The following LAMA2 variants were observed in gnomAD, a reference collection of about 807,000 sequenced individuals.
LAMA2 encodes laminin subunit alpha-2.
Under a neutral mutation model 364.8 loss-of-function variants are expected in LAMA2, and 269 were observed. The observed-to-expected ratio is 0.74, with a 90% CI of 0.67 to 0.82. LAMA2 has a LOEUF of 0.82. Among genes scored for constraint, LAMA2 ranks in the 40% least tolerant of loss-of-function variants. The pLI, the probability that LAMA2 is intolerant of heterozygous loss-of-function variation, is 0.00. For missense variants in LAMA2, 3,807 were observed against 3,873.2 expected (o/e 0.98, Z 0.45); for synonymous variants, 1,379 against 1,370.6 (o/e 1.01, Z -0.14).
intron 1 of LAMA2, among the ~76,000 whole-genome samples, chr6:128,906,479 GTTGT>G (rs1234273699): frequency 8.2e-6 from 1 of 121,610 alleles, no homozygotes; most frequent in East Asian, 2.3e-4. Context: ...TTTTGATGGG[GTTGT>G]TTGTTTTTTT....
chr6:129,421,517 TATA>T (rs1193280612), intron 40 of LAMA2, among the ~76,000 whole-genome samples: 2 of 152,110 alleles, frequency 1.3e-5, no homozygotes, highest in African/African-American at 4.8e-5. Flanking sequence ...ATGTATAAAG[TATA>T]ATTAGCTTAG....
chr6:129,334,544 T>G (rs1426056633), intron 29 of LAMA2, among the ~76,000 whole-genome samples: 1 of 152,182 alleles, frequency 6.6e-6, no homozygotes, highest in Non-Finnish European at 1.5e-5. Context: ...AATCAGTTGA[T>G]AATTAATCAA....
intron 1 of LAMA2, chr6:128,929,070 G>A (rs1779279669): frequency 2.1e-6 from 3 of 1,453,638 alleles, no homozygotes; most frequent in Non-Finnish European, 9.6e-7. Context: ...TGGCTAATGT[G>A]GTCATCCAGA....
chr6:129,367,426 G>A (rs1470157603), intron 33 of LAMA2, among the ~76,000 whole-genome samples: 1 of 152,116 alleles, frequency 6.6e-6, no homozygotes, highest in Non-Finnish European at 1.5e-5. Flanking sequence ...AATACATAAT[G>A]ACCATGTGTT....
intron 53 of LAMA2, 121 bp from the exon 54 acceptor site, chr6:129,478,571 CA>C: frequency 9.9e-7 from 1 of 1,012,602 alleles, no homozygotes; most frequent in Admixed American, 1.8e-5. Flanking sequence ...TACACGTGTG[CA>C]CAGTTTGATA....
chr6:129,023,679 T>C (rs1311621145), intron 1 of LAMA2, among the ~76,000 whole-genome samples: 2 of 152,188 alleles, frequency 1.3e-5, no homozygotes, highest in East Asian at 3.9e-4. Context: ...CTAATGTTAG[T>C]ACCTTTCCGC....
intron 32 of LAMA2, among the ~76,000 whole-genome samples, chr6:129,361,781 A>AC (rs1777474532): frequency 8.3e-6 from 1 of 120,298 alleles, no homozygotes; most frequent in African/African-American, 3.0e-5. Flanking sequence ...ATTAACAGTA[A>AC]CCTTTTTTTT....
At chr6:128,897,627 A>T (rs1006082973) in intron 1 of LAMA2, among the ~76,000 whole-genome samples, 12 of 152,256 alleles carry the variant, frequency 7.9e-5, no homozygotes, top group African/African-American at 2.9e-4. Context: ...CCGCAGTTGG[A>T]ACTGAAGTGC....
At chr6:129,157,648 A>T (rs1251293167) in intron 8 of LAMA2, 1 of 1,612,210 alleles carries the variant, frequency 6.2e-7, no homozygotes, top group Non-Finnish European at 8.5e-7. Context: ...GCTCGTAGAC[A>T]TTCATCACTG....
At chr6:129,459,323 C>T (rs1010015060) in intron 48 of LAMA2, among the ~76,000 whole-genome samples, 3 of 152,202 alleles carry the variant, frequency 2.0e-5, no homozygotes, top group Admixed American at 1.3e-4. Context: ...TTTACCAAAA[C>T]ATTTGTAATG....
chr6:129,379,607 C>T (rs1450137438), intron 34 of LAMA2, among the ~76,000 whole-genome samples: 1 of 152,076 alleles, frequency 6.6e-6, no homozygotes. Context: ...GAAGAGTCTT[C>T]CTACCCTCTT....
At chr6:129,201,328 G>A (rs1409997119) in intron 12 of LAMA2, among the ~76,000 whole-genome samples, 3 of 152,146 alleles carry the variant, frequency 2.0e-5, no homozygotes, top group Non-Finnish European at 4.4e-5. Flanking sequence ...GCATACAAGG[G>A]AAGAGGAACC....
At chr6:129,470,542 T>G (rs1427615094) in intron 51 of LAMA2, among the ~76,000 whole-genome samples, 1 of 151,764 alleles carries the variant, frequency 6.6e-6, no homozygotes, top group African/African-American at 2.4e-5. Context: ...GGTAGGAGAT[T>G]GAGAATGAAA....
At chr6:129,345,672 A>C (rs768627154) in intron 30 of LAMA2, among the ~76,000 whole-genome samples, 1 of 152,176 alleles carries the variant, frequency 6.6e-6, no homozygotes, top group African/African-American at 2.4e-5. Context: ...AGCCAGAAAC[A>C]CACAAAAACT....
chr6:129,328,511 T>C, intron 29 of LAMA2, 99 bp downstream of exon 29: 1 of 1,559,780 alleles, frequency 6.4e-7, no homozygotes, highest in Non-Finnish European at 8.8e-7. Flanking sequence ...TGTAAGGGAA[T>C]GCAACTGTGT....
At chr6:129,173,954 G>A (rs1328111301) in intron 9 of LAMA2, among the ~76,000 whole-genome samples, 1 of 152,070 alleles carries the variant, frequency 6.6e-6, no homozygotes, top group Non-Finnish European at 1.5e-5. Context: ...ATTAAAAACA[G>A]TGATAGTATA....
At chr6:129,439,848 A>C (rs1050337003) in intron 42 of LAMA2, among the ~76,000 whole-genome samples, 2 of 122,740 alleles carry the variant, frequency 1.6e-5, no homozygotes, top group African/African-American at 6.5e-5. Context: ...ATATATATAT[A>C]TCTATCTCAA....
intron 56 of LAMA2, among the ~76,000 whole-genome samples, chr6:129,487,650 C>T (rs7740321): frequency 0.63 from 95,501 of 151,592 alleles, 31,061 homozygotes; most frequent in Non-Finnish European, 0.72. Flanking sequence ...TTTAGATAAG[C>T]AATAAAGATT....
intron 1 of LAMA2, among the ~76,000 whole-genome samples, chr6:128,927,611 C>A (rs1026866571): frequency 1.3e-5 from 2 of 152,136 alleles, no homozygotes; most frequent in African/African-American, 2.4e-5. Context: ...CCTCACCCAC[C>A]TCCATCAAGT....
Sources: gnomAD v4.1 joint callset for allele counts (sites outside exome capture counted in the v4.1 genomes callset) on GRCh38, gnomAD v4.1.1 for gene constraint, MANE v1.5 for transcripts, NCBI Gene and HGNC (gene_info 2026-07-23, HGNC 2026-07-21) for gene names.